The following SOX5 variants were observed in gnomAD, a reference collection of about 807,000 sequenced individuals.
SOX5 encodes transcription factor SOX-5.
Under a neutral mutation model 92.0 loss-of-function variants are expected in SOX5, and 9 were observed. The observed-to-expected ratio is 0.10, with a 90% CI of 0.06 to 0.17. SOX5 has a LOEUF of 0.17. Among genes scored for constraint, SOX5 ranks in the 10% least tolerant of loss-of-function variants. SOX5 has a pLI of 1.00. For synonymous variants in SOX5, 344 were observed against 336.3 expected (o/e 1.02, Z -0.25); for missense variants, 642 against 944.5 (o/e 0.68, Z 4.20).
chr12:24,103,658 G>C (rs186346043), intron 4 of SOX5, among the ~76,000 whole-genome samples: 2 of 152,236 alleles, frequency 1.3e-5, no homozygotes, highest in Admixed American at 6.5e-5. Context: ...AAATAATAAA[G>C]TATAAAAGCT....
At chr12:24,090,320 G>T (rs767968479) in intron 4 of SOX5, among the ~76,000 whole-genome samples, 8 of 151,894 alleles carry the variant, frequency 5.3e-5, no homozygotes, top group African/African-American at 1.7e-4. Context: ...GTTGGCTAAC[G>T]AAAGGGAAGC....
chr12:23,617,048 C>T (rs1221910579), intron 8 of SOX5, among the ~76,000 whole-genome samples: 1 of 151,464 alleles, frequency 6.6e-6, no homozygotes, highest in Admixed American at 6.6e-5. Flanking sequence ...TTGCTTGAGC[C>T]CAGCAGTTCA....
intron 1 of SOX5, among the ~76,000 whole-genome samples, chr12:24,408,565 G>A (rs1963471742): frequency 6.6e-6 from 1 of 151,890 alleles, no homozygotes; most frequent in Admixed American, 6.6e-5. Flanking sequence ...CTTAACCCCT[G>A]GAAACCACTG....
chr12:23,551,686 C>T (rs1013526479), intron 11 of SOX5, among the ~76,000 whole-genome samples: 18 of 151,714 alleles, frequency 1.2e-4, no homozygotes, highest in African/African-American at 4.1e-4. Context: ...TTCATTTTCT[C>T]CATTGAGAAT....
At chr12:24,036,969 A>C (rs2136942384) in intron 4 of SOX5, among the ~76,000 whole-genome samples, 1 of 152,246 alleles carries the variant, frequency 6.6e-6, no homozygotes, top group South Asian at 2.1e-4. Flanking sequence ...AGTCTTTGCA[A>C]GGCATGTTAT....
At chr12:23,973,248 G>A (rs1013815238) in intron 4 of SOX5, among the ~76,000 whole-genome samples, 12 of 143,158 alleles carry the variant, frequency 8.4e-5, no homozygotes, top group Admixed American at 2.3e-4. Flanking sequence ...TGCAACCTCT[G>A]CCTCCTGGGT....
intron 3 of SOX5, among the ~76,000 whole-genome samples, chr12:24,257,305 A>G (rs7136263): frequency 0.17 from 25,542 of 152,178 alleles, 2,344 homozygotes; most frequent in Middle Eastern, 0.2. Flanking sequence ...TTCAGAAATA[A>G]TATCTTCCTA....
At chr12:23,732,069 C>A (rs1435826739) in intron 6 of SOX5, among the ~76,000 whole-genome samples, 1 of 151,986 alleles carries the variant, frequency 6.6e-6, no homozygotes, top group African/African-American at 2.4e-5. Flanking sequence ...ATTATATATC[C>A]ATTTTTAATT....
At chr12:23,579,335 C>T (rs539156785) in intron 9 of SOX5, among the ~76,000 whole-genome samples, 3 of 152,090 alleles carry the variant, frequency 2.0e-5, no homozygotes, top group Non-Finnish European at 4.4e-5. Flanking sequence ...TTCAAAATTG[C>T]CCTTTCCTTC....
chr12:23,618,708 G>A (rs1236708934), intron 8 of SOX5, among the ~76,000 whole-genome samples: 1 of 152,104 alleles, frequency 6.6e-6, no homozygotes, highest in Non-Finnish European at 1.5e-5. Context: ...TTGAACAGTG[G>A]TTCAATAACT....
chr12:24,100,560 A>G (rs569366289), intron 4 of SOX5, among the ~76,000 whole-genome samples: 11 of 152,166 alleles, frequency 7.2e-5, no homozygotes, highest in Non-Finnish European at 1.3e-4. Flanking sequence ...TTTTTAATCT[A>G]CACTCAGTTC....
At chr12:24,364,287 C>T (rs1955910921) in intron 2 of SOX5, among the ~76,000 whole-genome samples, 1 of 151,948 alleles carries the variant, frequency 6.6e-6, no homozygotes, top group Non-Finnish European at 1.5e-5. Flanking sequence ...TTACAATTCA[C>T]ATCTGTAAAT....
chr12:23,615,555 A>G (rs1242106308), intron 8 of SOX5, among the ~76,000 whole-genome samples: 1 of 151,996 alleles, frequency 6.6e-6, no homozygotes, highest in African/African-American at 2.4e-5. Flanking sequence ...GTGTGTCCAG[A>G]AGTTCTTATC....
chr12:23,534,395 T>C lies in SOX5; in HGVS notation c.2116A>G (p.Met706Val), dbSNP rs2135847556. ...SSVSSSPEPG[M>V]PVIQSTYGVK... ...CCGTAAGTGCTCTGGATAACAGGCA[T>C]CCCAGGCTCTGGGCTGCTAGACACG... The change falls in exon 15 of 15, where the codon ATG becomes GTG. Residue 706 changes from methionine (M) to valine (V), a missense_variant. This residue lies in a region of SOX5 where 130 missense variants were observed against 140.6 expected (regional missense o/e 0.92). Transcript: ENST00000451604. 1.9e-6 allele frequency: 3 copies of C among 1,614,094 alleles called. No individual in the cohort carries two copies. Among genetic ancestry groups the C allele is most frequent in the Non-Finnish European group, 2.5e-6 (3 of 1,179,996 alleles).
At chr12:23,830,410 T>C (rs1057086727) in intron 3 of SOX5, among the ~76,000 whole-genome samples, 2 of 152,106 alleles carry the variant, frequency 1.3e-5, no homozygotes, top group African/African-American at 4.8e-5. Context: ...CACAATGCAT[T>C]AGGAGTAGCC....
intron 4 of SOX5, among the ~76,000 whole-genome samples, chr12:23,999,159 T>TGTGC (rs1344128724): frequency 1.3e-5 from 2 of 150,826 alleles, no homozygotes; most frequent in African/African-American, 4.9e-5. Flanking sequence ...TGTGTGTGTG[T>TGTGC]GTGTGTGTGT....
At chr12:23,830,050 C>G (rs2096290385) in intron 3 of SOX5, among the ~76,000 whole-genome samples, 2 of 152,094 alleles carry the variant, frequency 1.3e-5, no homozygotes, top group South Asian at 4.1e-4. Flanking sequence ...TCCTATAACA[C>G]TAATGAAATA....
chr12:24,523,145 T>A (rs1222335315), intron 1 of SOX5, among the ~76,000 whole-genome samples: 1 of 151,952 alleles, frequency 6.6e-6, no homozygotes, highest in East Asian at 1.9e-4. Context: ...AGGAAAACAA[T>A]ATCACCAAAA....
intron 4 of SOX5, among the ~76,000 whole-genome samples, chr12:24,160,181 G>T (rs1203351550): frequency 1.3e-5 from 2 of 152,052 alleles, no homozygotes; most frequent in Non-Finnish European, 2.9e-5. Context: ...AGGTTAGTAA[G>T]TTTTAGTGAT....
Sources: gnomAD v4.1 joint callset for allele counts (sites outside exome capture counted in the v4.1 genomes callset) on GRCh38, gnomAD v4.1.1 for gene constraint, gnomAD v4.1.1 regional missense constraint, MANE v1.5 for transcripts, NCBI Gene and HGNC (gene_info 2026-07-23, HGNC 2026-07-21) for gene names.